KLF8: variants seen among roughly 807,000 people sequenced by gnomAD.
KLF8 encodes the protein KLF transcription factor 8, also known as Krueppel-like factor 8.
Under a neutral mutation model 18.2 loss-of-function variants are expected in KLF8, and 10 were observed. That is an observed-to-expected ratio of 0.55 (90% CI 0.34 to 0.93). The LOEUF (loss-of-function observed/expected upper bound fraction) is 0.93, where lower values mean the gene tolerates loss of function less well. Ranked by LOEUF, KLF8 falls within the 40% of genes least tolerant of loss-of-function variation. KLF8 has a pLI of 0.02. For synonymous variants in KLF8, 109 were observed against 97.3 expected, an observed-to-expected ratio of 1.12 and a Z score of -0.71; for missense variants, 264 against 277.9, an observed-to-expected ratio of 0.95 and a Z score of 0.36.
At chrX:56,255,228 A>T (rs930511485) in intron 2 of KLF8, among the ~76,000 whole-genome samples, 2 of 112,774 alleles carry the variant, frequency 1.8e-5, no homozygotes, top group Admixed American at 1.9e-4. Context: ...CACTGTTGAC[A>T]TAAAGATGCT....
chrX:56,144,070 C>T, the KLF8 span, among the ~76,000 whole-genome samples: 13 of 112,038 alleles, frequency 1.2e-4, no homozygotes, highest in African/African-American at 4.2e-4. Context: ...CAAGATTATT[C>T]AATCAGTAGT....
At chrX:56,106,495 G>C in the KLF8 span, among the ~76,000 whole-genome samples, 2 of 111,752 alleles carry the variant, frequency 1.8e-5, no homozygotes, top group Non-Finnish European at 1.9e-5. Context: ...TCTTCCATTT[G>C]ATCGAATCAG....
At chrX:55,966,554 C>A in the KLF8 span, among the ~76,000 whole-genome samples, 1 of 112,083 alleles carries the variant, frequency 8.9e-6, no homozygotes, top group Non-Finnish European at 1.9e-5. Context: ...CATTACTGGA[C>A]CTGGGGTGCC....
the KLF8 span, among the ~76,000 whole-genome samples, chrX:55,977,791 T>C: frequency 1.8e-5 from 2 of 110,993 alleles, no homozygotes; most frequent in Admixed American, 1.9e-4. Context: ...CTAAGTAGAG[T>C]TGAAATTGTG....
chrX:56,025,518 T>G, the KLF8 span, among the ~76,000 whole-genome samples: 3 of 112,078 alleles, frequency 2.7e-5, no homozygotes, highest in African/African-American at 9.7e-5. Flanking sequence ...TACATGAATA[T>G]GATTCATGGC....
chrX:56,144,190 G>A, the KLF8 span, among the ~76,000 whole-genome samples: 9 of 111,577 alleles, frequency 8.1e-5, no homozygotes, highest in Non-Finnish European at 1.3e-4. Context: ...GTAAATTAAA[G>A]ACTAAAATAT....
the KLF8 span, among the ~76,000 whole-genome samples, chrX:56,167,170 G>T: frequency 9.0e-6 from 1 of 111,064 alleles, no homozygotes; most frequent in South Asian, 3.8e-4. Flanking sequence ...TTGTTCTGTC[G>T]TCTAGGCTGA....
the KLF8 span, among the ~76,000 whole-genome samples, chrX:55,956,569 C>T: frequency 0.22 from 24,197 of 110,978 alleles, 5,443 homozygotes; most frequent in African/African-American, 0.69. Flanking sequence ...CCAATACATG[C>T]TATTTTCTGC....
the KLF8 span, among the ~76,000 whole-genome samples, chrX:56,149,033 G>A: frequency 8.9e-6 from 1 of 112,159 alleles, no homozygotes; most frequent in African/African-American, 3.2e-5. Flanking sequence ...ATAATGGAAG[G>A]CTGTGGGTAA....
the KLF8 span, among the ~76,000 whole-genome samples, chrX:56,184,143 C>A: frequency 8.9e-6 from 1 of 112,220 alleles, no homozygotes; most frequent in Non-Finnish European, 1.9e-5. Flanking sequence ...ACAGACGGCA[C>A]CTGGAAAATC....
the KLF8 span, among the ~76,000 whole-genome samples, chrX:55,933,354 C>G: frequency 8.9e-6 from 1 of 111,844 alleles, no homozygotes; most frequent in African/African-American, 3.2e-5. Context: ...TTTAAGGTGC[C>G]TTATCAGATC....
chrX:56,081,499 A>C, the KLF8 span, among the ~76,000 whole-genome samples: 1 of 110,797 alleles, frequency 9.0e-6, no homozygotes, highest in African/African-American at 3.3e-5. Context: ...GCTCCAGCTA[A>C]AACTTTCAGT....
the KLF8 span, among the ~76,000 whole-genome samples, chrX:56,185,749 C>A: frequency 2.7e-5 from 3 of 111,640 alleles, no homozygotes; most frequent in Non-Finnish European, 3.8e-5. Flanking sequence ...AATTTTCAAC[C>A]CAGAATTTCA....
the KLF8 span, among the ~76,000 whole-genome samples, chrX:56,164,055 G>T: frequency 1.8e-5 from 2 of 110,716 alleles, no homozygotes; most frequent in East Asian, 5.7e-4. Flanking sequence ...TTTTTGCTTA[G>T]AACTGGCTTG....
chrX:56,180,182 C>G, the KLF8 span, among the ~76,000 whole-genome samples: 1 of 111,641 alleles, frequency 9.0e-6, no homozygotes, highest in Non-Finnish European at 1.9e-5. Context: ...TGTTATTGGT[C>G]TATTCAGCAA....
At chrX:56,044,881 A>G in the KLF8 span, among the ~76,000 whole-genome samples, 1 of 112,276 alleles carries the variant, frequency 8.9e-6, no homozygotes, top group African/African-American at 3.2e-5. Flanking sequence ...GTATGGACAG[A>G]TTTCCTGCTT....
chrX:56,205,408 C>T, the KLF8 span, among the ~76,000 whole-genome samples: 1 of 111,665 alleles, frequency 9.0e-6, no homozygotes, highest in African/African-American at 3.3e-5. Context: ...TAATGTCTGT[C>T]ATAATGCTCA....
the KLF8 span, among the ~76,000 whole-genome samples, chrX:55,979,669 G>T: frequency 8.9e-6 from 1 of 112,139 alleles, no homozygotes; most frequent in Non-Finnish European, 1.9e-5. Context: ...TGAAGCTGAG[G>T]TCAGAAAGAC....
At chrX:55,975,859 C>T in the KLF8 span, among the ~76,000 whole-genome samples, 6 of 111,806 alleles carry the variant, frequency 5.4e-5, no homozygotes, top group Admixed American at 2.8e-4. Flanking sequence ...CCTGTAATCC[C>T]GGCACTTTGG....
Sources: allele counts gnomAD v4.1 joint callset (sites outside exome capture counted in the v4.1 genomes callset), GRCh38; gene constraint gnomAD v4.1.1; transcripts MANE v1.5; gene names NCBI Gene and HGNC (gene_info 2026-07-23, HGNC 2026-07-21).